Variants in MAGI2 observed in about 807,000 individuals in gnomAD.
MAGI2 encodes membrane-associated guanylate kinase, WW and PDZ domain-containing protein 2.
In MAGI2, 35 loss-of-function variants were observed where a neutral mutation model predicts 133.3. The observed-to-expected ratio is 0.26, with a 90% CI of 0.20 to 0.35. The LOEUF (loss-of-function observed/expected upper bound fraction) is 0.35. Ranked by LOEUF, MAGI2 falls within the 10% of genes least tolerant of loss-of-function variation. MAGI2 has a pLI of 1.00. For synonymous variants in MAGI2, 729 were observed against 710.6 expected (o/e 1.03, Z -0.41); for missense variants, 1,636 against 1,863.4 (o/e 0.88, Z 2.25).
chr7:79,345,816 C>T (rs1391199786), intron 1 of MAGI2, among the ~76,000 whole-genome samples: 3 of 152,030 alleles, frequency 2.0e-5, no homozygotes. Flanking sequence ...TAAGTGTATG[C>T]CTGAGTTCAA....
intron 6 of MAGI2, among the ~76,000 whole-genome samples, chr7:78,396,491 C>A (rs964918692): frequency 6.6e-6 from 1 of 152,144 alleles, no homozygotes; most frequent in Non-Finnish European, 1.5e-5. Flanking sequence ...ATAGCTGGCT[C>A]CTCATCATTC....
At chr7:79,043,542 C>CAAAAAAA (rs58828466) in intron 1 of MAGI2, among the ~76,000 whole-genome samples, 142 of 40,060 alleles carry the variant, frequency 3.5e-3, no homozygotes, top group African/African-American at 5.6e-3. Context: ...GACTCCATCA[C>CAAAAAAA]AAAAAAAAAA....
intron 1 of MAGI2, among the ~76,000 whole-genome samples, chr7:79,349,146 G>T (rs1367599577): frequency 6.6e-6 from 1 of 151,806 alleles, no homozygotes; most frequent in Non-Finnish European, 1.5e-5. Flanking sequence ...ATAATTTGTT[G>T]ATTCATTCCT....
intron 1 of MAGI2, among the ~76,000 whole-genome samples, chr7:79,097,937 C>A (rs570197881): frequency 6.6e-6 from 1 of 152,230 alleles, no homozygotes; most frequent in East Asian, 1.9e-4. Flanking sequence ...GCCTGACCAA[C>A]ATTGTGAAAC....
At chr7:78,649,953 C>T (rs1047935390) in intron 2 of MAGI2, among the ~76,000 whole-genome samples, 1 of 152,126 alleles carries the variant, frequency 6.6e-6, no homozygotes, top group African/African-American at 2.4e-5. Flanking sequence ...TCCTTTAGAT[C>T]TTGTTAAAAT....
intron 21 of MAGI2, among the ~76,000 whole-genome samples, chr7:78,049,260 C>G (rs770062468): frequency 1.3e-5 from 2 of 152,194 alleles, no homozygotes; most frequent in Non-Finnish European, 2.9e-5. Flanking sequence ...ATAATTTCCA[C>G]CACATTACCA....
chr7:79,434,815 C>T (rs1050449530), intron 1 of MAGI2, among the ~76,000 whole-genome samples: 1 of 152,042 alleles, frequency 6.6e-6, no homozygotes, highest in Non-Finnish European at 1.5e-5. Context: ...GGTGTTTCTG[C>T]AAAAAATTAA....
chr7:79,114,671 C>T (rs1819239579), intron 1 of MAGI2, among the ~76,000 whole-genome samples: 1 of 152,082 alleles, frequency 6.6e-6, no homozygotes, highest in Admixed American at 6.6e-5. Flanking sequence ...CAGAGCCCCC[C>T]CATTACCAAG....
intron 16 of MAGI2, among the ~76,000 whole-genome samples, chr7:78,157,747 G>C (rs372907221): frequency 6.6e-6 from 1 of 152,166 alleles, no homozygotes; most frequent in East Asian, 1.9e-4. Context: ...TTATTGGAAG[G>C]CTGTTTATAT....
At chr7:78,998,917 A>G (rs1806580971) in intron 2 of MAGI2, among the ~76,000 whole-genome samples, 1 of 152,144 alleles carries the variant, frequency 6.6e-6, no homozygotes, top group Admixed American at 6.6e-5. Context: ...TCTTACGTCC[A>G]GCAAGGCTAT....
intron 3 of MAGI2, among the ~76,000 whole-genome samples, chr7:78,566,986 T>C (rs778079718): frequency 2.0e-5 from 3 of 152,172 alleles, no homozygotes; most frequent in Admixed American, 6.5e-5. Context: ...CTTTTTACAA[T>C]ATGAGGTTTT....
At chr7:79,100,972 A>G (rs1335004871) in intron 1 of MAGI2, among the ~76,000 whole-genome samples, 1 of 152,042 alleles carries the variant, frequency 6.6e-6, no homozygotes, top group African/African-American at 2.4e-5. Context: ...TTTATCATAT[A>G]TTAATTATGT....
intron 9 of MAGI2, among the ~76,000 whole-genome samples, chr7:78,321,095 A>G (rs899150327): frequency 1.3e-5 from 2 of 152,206 alleles, no homozygotes; most frequent in African/African-American, 2.4e-5. Flanking sequence ...GAGAACTACA[A>G]ACCACTGCTC....
intron 1 of MAGI2, among the ~76,000 whole-genome samples, chr7:79,021,352 C>G (rs1011390893): frequency 1.3e-5 from 2 of 152,146 alleles, no homozygotes; most frequent in Non-Finnish European, 2.9e-5. Context: ...GCACTATGTG[C>G]CTGTAAAAGC....
At chr7:78,705,170 G>A (rs951809142) in intron 2 of MAGI2, among the ~76,000 whole-genome samples, 1 of 152,040 alleles carries the variant, frequency 6.6e-6, no homozygotes, top group Non-Finnish European at 1.5e-5. Context: ...ACATATCAAT[G>A]GAGGGACCTG....
At position 78,412,716 on chromosome 7, in the gene MAGI2, T is replaced by C. The variant is rs73144469; in HGVS notation, c.1046-43503A>G. 3.8e-3 allele frequency among the ~76,000 whole-genome samples: 572 copies of C among 152,190 alleles called. 2 individuals carry two copies. Among genetic ancestry groups the C allele is most frequent in the Non-Finnish European group, 5.4e-3 (365 of 67,974 alleles). Reference sequence around the variant, plus strand: ...GTTAGGCAACCATCCAAGTTGTGTATGTACAAAAGAGCACTTCCAAAATAT... The same window carrying C: ...GTTAGGCAACCATCCAAGTTGTGTACGTACAAAAGAGCACTTCCAAAATAT... On this transcript the variant is annotated intron_variant, in intron 6 of 21. Transcript: ENST00000354212.
intron 1 of MAGI2, among the ~76,000 whole-genome samples, chr7:79,446,255 A>T (rs1464334956): frequency 2.0e-5 from 3 of 152,192 alleles, no homozygotes; most frequent in Non-Finnish European, 4.4e-5. Context: ...AGCATAGCAC[A>T]TGTATACATA....
At chr7:78,940,084 T>C (rs1000662327) in intron 2 of MAGI2, among the ~76,000 whole-genome samples, 1 of 152,184 alleles carries the variant, frequency 6.6e-6, no homozygotes, top group Non-Finnish European at 1.5e-5. Context: ...CCAAAGCACA[T>C]TTGTACATAT....
At chr7:78,981,063 G>T (rs940544151) in intron 2 of MAGI2, among the ~76,000 whole-genome samples, 24 of 151,556 alleles carry the variant, frequency 1.6e-4, no homozygotes, top group Non-Finnish European at 2.8e-4. Flanking sequence ...TTGCCTTTAA[G>T]AATTTTTTGC....
Sources: allele counts gnomAD v4.1 joint callset (sites outside exome capture counted in the v4.1 genomes callset), GRCh38; gene constraint gnomAD v4.1.1; transcripts MANE v1.5; gene names NCBI Gene and HGNC (gene_info 2026-07-23, HGNC 2026-07-21).